The following SEPTIN9 variants were observed in gnomAD, a reference collection of about 807,000 sequenced individuals.
SEPTIN9 encodes septin 9.
Under a neutral mutation model 56.6 loss-of-function variants are expected in SEPTIN9, and 13 were observed. That is an observed-to-expected ratio of 0.23 (90% CI 0.15 to 0.37). SEPTIN9 has a LOEUF of 0.37. Ranked by LOEUF, SEPTIN9 falls within the 10% of genes least tolerant of loss-of-function variation. The pLI is 1.00. For missense variants in SEPTIN9, 650 were observed against 823.1 expected (o/e 0.79, Z 2.57); for synonymous variants, 332 against 334.1 (o/e 0.99, Z 0.07).
rs144610190 is a variant in SEPTIN9 at position 77,437,783 on chromosome 17, G to GC, written c.721+35086dup. ...GAGTTTCTGGGGAGGACTTTCTGCT[G>GC]CCCCCCAACCCCTTTCGGGTACATT... On this transcript the variant is annotated intron_variant, in intron 3 of 11. Transcript: ENST00000427177. The surrounding 1 kb of genome is among the most constrained non-coding windows in gnomAD (Gnocchi z 5.3). Among the ~76,000 whole-genome samples, 1,312 of 152,272 alleles carry GC rather than the reference G, an allele frequency of 8.6e-3. 20 individuals are homozygous for GC. Among genetic ancestry groups the GC allele is most frequent in the African/African-American group, 0.03 (1,247 of 41,540 alleles).
chr17:77,295,463 T>C (rs1401459283), intron 1 of SEPTIN9, among the ~76,000 whole-genome samples: 1 of 152,136 alleles, frequency 6.6e-6, no homozygotes, highest in African/African-American at 2.4e-5. Flanking sequence ...AGAAGCTGTC[T>C]GAGGCAGAGG....
At chr17:77,427,517 A>C (rs2036958602) in intron 3 of SEPTIN9, among the ~76,000 whole-genome samples, 1 of 152,198 alleles carries the variant, frequency 6.6e-6, no homozygotes, top group African/African-American at 2.4e-5. Flanking sequence ...GGCTGGGCAC[A>C]GTGAATGGGT....
Position 77,491,439 on chromosome 17 carries a change from C to G in SEPTIN9, c.1380+580C>G, listed in dbSNP as rs372567030. On this transcript the variant is annotated intron_variant, in intron 8 of 11. Transcript: ENST00000427177. ...TCTCTAACCCTTGGGCTCAAGGGAT[C>G]CTCCTGCCTCAGCCTCCCAAAGTGC... Among the ~76,000 whole-genome samples, 18 of 151,952 alleles carry G rather than the reference C, an allele frequency of 1.2e-4. No homozygotes were observed. In the East Asian group the frequency reaches 2.4e-3, roughly 20 times the overall value.
At chr17:77,357,734 C>T (rs2034298853) in intron 2 of SEPTIN9, among the ~76,000 whole-genome samples, 2 of 152,158 alleles carry the variant, frequency 1.3e-5, no homozygotes. Flanking sequence ...CCTGCCTCAG[C>T]CTCCTGAGTA....
chr17:77,460,279 G>A (rs2038408804), intron 3 of SEPTIN9, among the ~76,000 whole-genome samples: 1 of 152,124 alleles, frequency 6.6e-6, no homozygotes, highest in South Asian at 2.1e-4. Flanking sequence ...GGTCCCCCGA[G>A]GGGCCCTGGT....
chr17:77,434,852 A>G lies in SEPTIN9; in HGVS notation c.721+32149A>G, dbSNP rs1224617399. Among the ~76,000 whole-genome samples, 3 of 152,100 alleles carry G rather than the reference A, an allele frequency of 2.0e-5. No homozygotes were observed. The East Asian group carries it at 5.8e-4, about 29-fold the overall frequency. On this transcript the variant is annotated intron_variant, in intron 3 of 11. Coordinates refer to ENST00000427177, the MANE Select transcript of SEPTIN9 (RefSeq NM_001113491.2). The surrounding 1 kb of genome is among the most constrained non-coding windows in gnomAD (Gnocchi z 5.0). ...GGAGGGTAGCCAGTCGCTGGAACTA[A>G]GAGTGAACTTCAGCTGTTGTTGCCA...
chr17:77,420,520 G>C (rs777771985), intron 3 of SEPTIN9, among the ~76,000 whole-genome samples: 1 of 152,160 alleles, frequency 6.6e-6, no homozygotes, highest in Non-Finnish European at 1.5e-5. Context: ...GCTCCACCCA[G>C]AGGACCTGGG....
rs544690748 is a variant in SEPTIN9 at position 77,475,227 on chromosome 17, G to A, written c.722-6917G>A. The A allele has an allele frequency of 2.8e-5, 36 of 1,294,142 alleles. No individual in the cohort carries two copies. In the East Asian group the frequency reaches 3.5e-4, roughly 13 times the overall value. 80.2% of individuals were successfully genotyped at this position (1,294,142 alleles called of 1,614,324 possible). ...GGGGGGGTTGTGGTGAGAGGAAACC[G>A]CACACATCATTATTCAGTTACCATC... On this transcript the variant is annotated intron_variant, in intron 3 of 11. Transcript: ENST00000427177. The surrounding 1 kb of genome is among the most constrained non-coding windows in gnomAD (Gnocchi z 4.6).
intron 10 of SEPTIN9, among the ~76,000 whole-genome samples, chr17:77,496,031 C>CTTTTT (rs534634574): frequency 2.1e-5 from 3 of 140,214 alleles, no homozygotes; most frequent in Non-Finnish European, 4.7e-5. Flanking sequence ...TTTTCTTTTT[C>CTTTTT]TTTTTTTTTT....
intron 4 of SEPTIN9, chr17:77,483,681 A>G (rs2143242081): frequency 6.6e-6 from 1 of 152,380 alleles, no homozygotes; most frequent in Non-Finnish European, 1.5e-5. Context: ...CTTTGGCCCC[A>G]AGGAGAGGGA....
At position 77,498,524 on chromosome 17, in the gene SEPTIN9, A is replaced by T; in HGVS notation, c.1627A>T (p.Thr543Ser). ...CCCGCCCGCCCCCCACCCCCACAGG[A>T]CGCACATGCAGAACATCAAGGACAT... Reference protein sequence around the residue: ...FAYLRDLLIRTHMQNIKDITS... With the variant: ...FAYLRDLLIRSHMQNIKDITS... The change falls in exon 12 of 12, where the codon ACG becomes TCG. Residue 543 changes from threonine to serine, a missense_variant and splice_region_variant. By Grantham distance (58) the Thr-to-Ser change is moderately conservative. Coordinates refer to ENST00000427177, the MANE Select transcript of SEPTIN9 (RefSeq NM_001113491.2). The T allele has an allele frequency of 1.6e-6, 1 of 606,560 alleles. No homozygotes were observed. Among genetic ancestry groups the T allele is most frequent in the Non-Finnish European group, 2.7e-6 (1 of 371,842 alleles). The allele number at this position is 606,560 out of a possible 1,614,324, so 37.6% of individuals were successfully genotyped here. A position where few individuals can be genotyped will look rare whatever the true frequency, so the allele number is the denominator to read the frequency against.
intron 2 of SEPTIN9, among the ~76,000 whole-genome samples, chr17:77,343,105 A>G (rs990182494): frequency 5.9e-5 from 9 of 151,948 alleles, no homozygotes; most frequent in Non-Finnish European, 8.8e-5. Flanking sequence ...CTCCAAAGTG[A>G]TGGGTGTCTT....
At chr17:77,477,726 T>G (rs1461141944) in intron 3 of SEPTIN9, among the ~76,000 whole-genome samples, 1 of 152,140 alleles carries the variant, frequency 6.6e-6, no homozygotes, top group East Asian at 1.9e-4. Context: ...AAAGTCACTT[T>G]GAGCCAGAAA....
At chr17:77,362,478 G>T (rs1362593771) in intron 2 of SEPTIN9, among the ~76,000 whole-genome samples, 2 of 152,228 alleles carry the variant, frequency 1.3e-5, no homozygotes, top group Non-Finnish European at 2.9e-5. Context: ...CTCTGACTGG[G>T]TGCTCCTTGT....
In SEPTIN9 at chr17:77,499,168, C is replaced by T; in HGVS notation, c.*510C>T. The stretch of plus-strand genomic sequence containing the variant: ...CCCCCTGCCCGCCACATGGTGTGGC[C>T]ATCACTCAGCCCCTACCCCTGCCCT... On this transcript the variant is annotated 3_prime_UTR_variant, in exon 12 of 12. Coordinates refer to ENST00000427177, the MANE Select transcript of SEPTIN9 (RefSeq NM_001113491.2). 1 of 538,294 alleles carries T rather than the reference C, an allele frequency of 1.9e-6. No homozygotes were observed. Among genetic ancestry groups the T allele is most frequent in the Non-Finnish European group, 3.6e-6 (1 of 277,602 alleles). 33.3% of individuals were successfully genotyped at this position (538,294 alleles called of 1,614,324 possible).
At chr17:77,471,121 C>G (rs925478309) in intron 3 of SEPTIN9, 1 of 152,352 alleles carries the variant, frequency 6.6e-6, no homozygotes, top group African/African-American at 2.4e-5. Context: ...ATTGGGGGCA[C>G]CTGGAACAGT....
rs1274724096 is a variant in SEPTIN9, at chr17:77,445,989, G to A, written c.722-36155G>A. The A allele has an allele frequency of 5.9e-6, 1 of 169,294 alleles. No homozygotes were observed. Among genetic ancestry groups the A allele is most frequent in the African/African-American group, 2.4e-5 (1 of 41,452 alleles). The allele number at this position is 169,294 out of a possible 1,614,324, so 10.5% of individuals were successfully genotyped here. On this transcript the variant is annotated intron_variant, in intron 3 of 11. Coordinates refer to ENST00000427177, the MANE Select transcript of SEPTIN9 (RefSeq NM_001113491.2). This position sits in a 1 kb window ranked among gnomAD's most constrained non-coding sequence, Gnocchi z 4.7. ...CTTGGAAAATCCAACACAGAACCCC[G>A]AGTAGGGGCGGGAAGGGGTCCTGTC...
chr17:77,442,073 C>T (rs1056333781), intron 3 of SEPTIN9: 5 of 152,126 alleles, frequency 3.3e-5, no homozygotes, highest in African/African-American at 9.7e-5. Context: ...CACTGAAAAA[C>T]GTGACTCAAA....
In SEPTIN9 at chr17:77,425,652, TTCTC is replaced by T. The variant is rs1361297427; in HGVS notation, c.721+22951_721+22954del. 1.3e-5 allele frequency among the ~76,000 whole-genome samples: 2 copies of T among 152,202 alleles called. No homozygotes were observed. Among genetic ancestry groups the T allele is most frequent in the East Asian group, 3.9e-4 (2 of 5,194 alleles). On this transcript the variant is annotated intron_variant, in intron 3 of 11. Transcript: ENST00000427177. The surrounding 1 kb of genome is among the most constrained non-coding windows in gnomAD (Gnocchi z 4.2). ...CAGAGAGGGACCCTCCACTGCCTCT[TTCTC>T]TGTCTCTTGGGAAAGGTAGGGTCTT...
Sources: gnomAD v4.1 joint callset for allele counts (sites outside exome capture counted in the v4.1 genomes callset) on GRCh38, gnomAD v4.1.1 for gene constraint, Gnocchi (gnomAD v3.1) non-coding constraint, MANE v1.5 for transcripts, NCBI Gene and HGNC (gene_info 2026-07-23, HGNC 2026-07-21) for gene names.